Variants in SBSPON observed in about 807,000 individuals in gnomAD.
SBSPON encodes the protein somatomedin B and thrombospondin type 1 domain containing.
A neutral mutation model predicts 35.8 loss-of-function variants in SBSPON; 30 were observed. The observed-to-expected ratio is 0.84, with a 90% CI of 0.63 to 1.14. The LOEUF (loss-of-function observed/expected upper bound fraction) is 1.14, where lower values mean the gene tolerates loss of function less well. SBSPON is among the 50% of genes most tolerant of loss of function. SBSPON has a pLI of 0.00. For synonymous variants in SBSPON, 136 were observed against 135.9 expected, an observed-to-expected ratio of 1.00 and a Z score of 0.00; for missense variants, 364 against 357.7, an observed-to-expected ratio of 1.02 and a Z score of -0.14.
intron 3 of SBSPON, among the ~76,000 whole-genome samples, chr8:73,070,630 A>C (rs1173746006): frequency 6.6e-6 from 1 of 152,178 alleles, no homozygotes; most frequent in Non-Finnish European, 1.5e-5. Flanking sequence ...GTCACCTTAA[A>C]CTGAGCTGCG....
At chr8:73,076,881 A>G (rs1458791772) in intron 2 of SBSPON, among the ~76,000 whole-genome samples, 1 of 152,138 alleles carries the variant, frequency 6.6e-6, no homozygotes. Context: ...ATCTTCAGAA[A>G]TGTAAGATCA....
intron 2 of SBSPON, among the ~76,000 whole-genome samples, chr8:73,078,127 C>T (rs745539252): frequency 1.3e-5 from 2 of 152,136 alleles, no homozygotes; most frequent in African/African-American, 2.4e-5. Flanking sequence ...CCCCTGGAAG[C>T]CTTGCTAGAA....
intron 2 of SBSPON, among the ~76,000 whole-genome samples, chr8:73,075,096 T>A (rs79628096): frequency 0.048 from 7,278 of 152,258 alleles, 269 homozygotes; most frequent in East Asian, 0.17. Context: ...TCCAGGCTGG[T>A]CTTCTGGGGC....
rs760306362 is a variant in SBSPON at position 73,081,082 on chromosome 8, C to T, written c.346G>A (p.Glu116Lys). 1.5e-5 allele frequency: 24 copies of T among 1,612,722 alleles called. No homozygotes were observed. In the African/African-American group the frequency reaches 2.9e-4, roughly 20 times the overall value. Residue 116 changes from glutamate to lysine, a missense_variant, in exon 2 of 5, where the codon GAA (glutamate) becomes AAA (lysine). Glu to Lys is a moderately conservative substitution (Grantham distance 56, BLOSUM62 1). Transcript: ENST00000297354. ...TACTCCAGGCAGCCAGCTCTCTCTT[C>T]CAGGGGTGGGCAGGGCGCCCCGCCG... is the stretch of plus-strand genomic sequence containing the variant. ...QNGGAPCPPL[E>K]ERAGCLEYST...
At chr8:73,092,755 A>T in intron 1 of SBSPON, 99 bp downstream of exon 1, 1 of 887,672 alleles carries the variant, frequency 1.1e-6, no homozygotes, top group East Asian at 2.8e-5. Context: ...TCTGGAGGAC[A>T]CCTGGCTCAG....
rs761523024 is a variant in SBSPON, at chr8:73,081,193, C to T, written c.235G>A (p.Glu79Lys). The T allele has an allele frequency of 1.9e-6, 3 of 1,589,344 alleles. No individual in the cohort carries two copies. The highest frequency in any genetic ancestry group is 1.7e-4 in the Middle Eastern group (1 of 5,956). ...GCACAACCACTCCAGGGGCTCCATT[C>T]CCCCACGAAGCACGGGCGAGCTGAA... ...ACPARPCFVG[E>K]WSPWSGCADQ... The change falls in exon 2 of 5, where the codon GAA becomes AAA. Residue 79 changes from glutamate to lysine, a missense_variant. Glu to Lys is a moderately conservative substitution (Grantham distance 56). Coordinates refer to ENST00000297354, the MANE Select transcript of SBSPON (RefSeq NM_153225.4).
intron 3 of SBSPON, among the ~76,000 whole-genome samples, chr8:73,070,270 T>G (rs1563485937): frequency 6.6e-6 from 1 of 152,210 alleles, no homozygotes; most frequent in Non-Finnish European, 1.5e-5. Flanking sequence ...TCCTGTCTAA[T>G]CAGATCACTA....
At chr8:73,075,463 TAA>T (rs1247710749) in intron 2 of SBSPON, among the ~76,000 whole-genome samples, 1 of 152,276 alleles carries the variant, frequency 6.6e-6, no homozygotes, top group Non-Finnish European at 1.5e-5. Flanking sequence ...CGGAAGCACG[TAA>T]CCCAGCATCC....
intron 2 of SBSPON, among the ~76,000 whole-genome samples, chr8:73,078,086 G>A (rs1383083238): frequency 6.6e-6 from 1 of 152,208 alleles, no homozygotes; most frequent in Non-Finnish European, 1.5e-5. Context: ...GGCTACAGCA[G>A]TGGCTCTCAA....
At chr8:73,089,302 C>T (rs1430427904) in intron 1 of SBSPON, among the ~76,000 whole-genome samples, 1 of 152,144 alleles carries the variant, frequency 6.6e-6, no homozygotes, top group Non-Finnish European at 1.5e-5. Context: ...ACCTGTAATC[C>T]TAACACTTTG....
chr8:73,080,644 T>C (rs1215116977), intron 2 of SBSPON, among the ~76,000 whole-genome samples: 1 of 152,252 alleles, frequency 6.6e-6, no homozygotes, highest in African/African-American at 2.4e-5. Context: ...AATAGCGTTA[T>C]ACTTCCTGGA....
At position 73,092,841 on chromosome 8, in the gene SBSPON, C is replaced by T. The variant is rs752506173; in HGVS notation, c.214+13G>A. 2 of 1,606,328 alleles carry T rather than the reference C, an allele frequency of 1.2e-6. No homozygotes were observed. Among genetic ancestry groups the T allele is most frequent in the Middle Eastern group, 1.7e-4 (1 of 5,972 alleles). On this transcript the variant is annotated intron_variant, in intron 1 of 4. Transcript: ENST00000297354. Reference sequence around the variant, plus strand: ...CTAACGGCCGGCGCCCCACTCTCGGCCTGACCACCCACCTGGGCACGCCCT... The same window carrying T: ...CTAACGGCCGGCGCCCCACTCTCGGTCTGACCACCCACCTGGGCACGCCCT...
chr8:73,070,774 G>A (rs565689237), intron 3 of SBSPON, among the ~76,000 whole-genome samples: 3 of 152,274 alleles, frequency 2.0e-5, no homozygotes, highest in East Asian at 1.9e-4. Context: ...TAAAATCTCC[G>A]AGTATTGTAA....
In SBSPON at chr8:73,065,236, T is replaced by C. The variant is rs1383724238; in HGVS notation, c.*2105A>G. The stretch of plus-strand genomic sequence containing the variant: ...AAAATTAAATGCATAAGGTGAAAAA[T>C]TTATTTTATACACCTCAATTATGTT... On this transcript the variant is annotated 3_prime_UTR_variant, in exon 5 of 5. Coordinates refer to ENST00000297354, the MANE Select transcript of SBSPON (RefSeq NM_153225.4). 1 of 152,164 alleles carries C rather than the reference T, an allele frequency of 6.6e-6. No individual in the cohort carries two copies. Among genetic ancestry groups the C allele is most frequent in the Non-Finnish European group, 1.5e-5 (1 of 68,028 alleles). The allele number at this position is 152,164 out of a possible 1,614,324, so 9.4% of individuals were successfully genotyped here.
chr8:73,078,548 C>T (rs1418422367), intron 2 of SBSPON, among the ~76,000 whole-genome samples: 8 of 152,166 alleles, frequency 5.3e-5, no homozygotes, highest in Admixed American at 2.6e-4. Flanking sequence ...TGGTGCCCCA[C>T]TGAAGAGCCC....
At chr8:73,092,067 T>C (rs1202124409) in intron 1 of SBSPON, among the ~76,000 whole-genome samples, 1 of 152,254 alleles carries the variant, frequency 6.6e-6, no homozygotes, top group African/African-American at 2.4e-5. Context: ...TTTGTTCCTT[T>C]ATCTTTTAAT....
intron 1 of SBSPON, among the ~76,000 whole-genome samples, chr8:73,087,430 C>T (rs889874459): frequency 2.0e-5 from 3 of 152,192 alleles, no homozygotes; most frequent in African/African-American, 7.2e-5. Context: ...GAAGTGTTAA[C>T]AACTTGACCC....
chr8:73,082,199 A>G (rs1325197947), intron 1 of SBSPON, among the ~76,000 whole-genome samples: 1 of 152,244 alleles, frequency 6.6e-6, no homozygotes, highest in East Asian at 1.9e-4. Flanking sequence ...TTTCTCATTG[A>G]AAGTTTTAAT....
In SBSPON at chr8:73,067,459, C is replaced by A. The variant is rs759587023; in HGVS notation, c.678-1G>T. The A allele has an allele frequency of 1.3e-6, 2 of 1,567,190 alleles. No individual in the cohort carries two copies. The highest frequency in any genetic ancestry group is 1.8e-6 in the Non-Finnish European group (2 of 1,138,846). ...TGCTTGCCAATGGAGAGTCTGATTT[C>A]TGAAACGATATTTCGAAAGTGTTAG... is the stretch of plus-strand genomic sequence containing the variant. On this transcript the variant is annotated splice_acceptor_variant, in intron 4 of 4. Coordinates refer to ENST00000297354, the MANE Select transcript of SBSPON (RefSeq NM_153225.4). LOFTEE classifies it high-confidence loss of function.
Sources: allele counts gnomAD v4.1 joint callset (sites outside exome capture counted in the v4.1 genomes callset), GRCh38; gene constraint gnomAD v4.1.1; transcripts MANE v1.5; gene names NCBI Gene and HGNC (gene_info 2026-07-23, HGNC 2026-07-21).